Variants in STKLD1 observed in about 807,000 individuals in gnomAD.
The protein encoded by STKLD1 is serine/threonine kinase-like domain-containing protein STKLD1.
In STKLD1, 79 loss-of-function variants were observed where a neutral mutation model predicts 80.4. That is an observed-to-expected ratio of 0.98 (90% confidence interval 0.82 to 1.19). The LOEUF (loss-of-function observed/expected upper bound fraction) is 1.19, where lower values mean the gene tolerates loss of function less well. Among genes scored for constraint, STKLD1 ranks in the 50% most tolerant of loss-of-function variants. STKLD1 has a pLI of 0.00. For missense variants in STKLD1, 841 were observed against 856.0 expected, an observed-to-expected ratio of 0.98 and a Z score of 0.22; for synonymous variants, 393 against 357.6, an observed-to-expected ratio of 1.10 and a Z score of -1.12.
At position 133,405,398 on chromosome 9, in the gene STKLD1, A is replaced by G; in HGVS notation, c.2020A>G (p.Thr674Ala). 1 of 1,610,552 alleles carries G rather than the reference A, an allele frequency of 6.2e-7. No individual in the cohort carries two copies. Among genetic ancestry groups the G allele is most frequent in the Non-Finnish European group, 8.5e-7 (1 of 1,179,756 alleles). Residue 674 changes from threonine to alanine, a missense_variant, in exon 18 of 18, where the codon ACC becomes GCC. Transcript: ENST00000371957. The part of the protein sequence containing the change: ...PPGGSPQLGC[T>A]TSGGLE The stretch of plus-strand genomic sequence containing the variant: ...AGGTGGAAGCCCCCAGCTGGGGTGC[A>G]CCACGTCTGGGGGACTGGAATAGAT...
chr9:133,383,250 T>TGAC (rs1588738096), intron 2 of STKLD1, among the ~76,000 whole-genome samples: 4 of 120,304 alleles, frequency 3.3e-5, no homozygotes, highest in African/African-American at 9.1e-5. Context: ...ATGGTGATGG[T>TGAC]GGTGGTGTTG....
chr9:133,379,152 CG>C (rs2130259873), intron 2 of STKLD1, 30 bp downstream of exon 2: 2 of 1,590,892 alleles, frequency 1.3e-6, no homozygotes, highest in Non-Finnish European at 1.7e-6. Context: ...CATCCCATGC[CG>C]GGTGGTTCTG....
chr9:133,379,603 C>G (rs1013478567), intron 2 of STKLD1, among the ~76,000 whole-genome samples: 2 of 152,198 alleles, frequency 1.3e-5, no homozygotes, highest in African/African-American at 4.8e-5. Flanking sequence ...GGGACTGGCT[C>G]AAGGTCACAC....
intron 17 of STKLD1, 95 bp from the exon 18 acceptor site, chr9:133,405,157 C>A: frequency 6.8e-7 from 1 of 1,464,684 alleles, no homozygotes; most frequent in African/African-American, 1.4e-5. Context: ...ATGCCAAGCC[C>A]AAGGGGGAAT....
chr9:133,401,090 A>T (rs587640250), intron 12 of STKLD1, among the ~76,000 whole-genome samples: 1 of 152,214 alleles, frequency 6.6e-6, no homozygotes, highest in East Asian at 1.9e-4. Context: ...TGGGTTGTTA[A>T]AAGAGTTGAA....
chr9:133,376,754 C>G (rs1837972935), intron 1 of STKLD1, among the ~76,000 whole-genome samples, 194 bp downstream of exon 1: 1 of 152,208 alleles, frequency 6.6e-6, no homozygotes, highest in Admixed American at 6.5e-5. Context: ...TCAGTTTCCC[C>G]CTTTGTGAAT....
At chr9:133,395,830 C>G (rs1838545904) in intron 9 of STKLD1, 67 bp downstream of exon 9, 2 of 1,522,126 alleles carry the variant, frequency 1.3e-6, no homozygotes, top group Middle Eastern at 3.5e-4. Context: ...CACCCTAATA[C>G]AAGCACAGCT....
chr9:133,397,011 G>C (rs1554776806), intron 9 of STKLD1, among the ~76,000 whole-genome samples, 153 bp from the exon 10 acceptor site: 1 of 152,168 alleles, frequency 6.6e-6, no homozygotes, highest in East Asian at 1.9e-4. Flanking sequence ...GGGACACTAT[G>C]AGAGACCCTG....
intron 3 of STKLD1, 35 bp downstream of exon 3, chr9:133,383,935 T>A: frequency 6.3e-7 from 1 of 1,595,686 alleles, no homozygotes; most frequent in Non-Finnish European, 8.6e-7. Context: ...CTGGAAGAGC[T>A]CAATGGAGCA....
chr9:133,390,549 G>A lies in STKLD1; in HGVS notation c.468-132G>A. ...GGAGGAGAGGAGGATGTGGGCTGCT[G>A]CTGCAGAACCAGGTGGGGCAGGGAG... On this transcript the variant is annotated intron_variant, in intron 6 of 17. Transcript: ENST00000371957. This position sits in a 1 kb window ranked among gnomAD's most constrained non-coding sequence, Gnocchi z 5.1. 1.5e-6 allele frequency: 1 copy of A among 676,624 alleles called. No homozygotes were observed. Among genetic ancestry groups the A allele is most frequent in the Non-Finnish European group, 2.7e-6 (1 of 375,526 alleles). The allele number at this position is 676,624 out of a possible 1,614,324, so 41.9% of individuals were successfully genotyped here. A position where few individuals can be genotyped will look rare whatever the true frequency, so the allele number is the denominator to read the frequency against.
Position 133,394,512 on chromosome 9 carries a change from C to T in STKLD1, c.702+103C>T, listed in dbSNP as rs1176368381. On this transcript the variant is annotated intron_variant, in intron 8 of 17. Coordinates refer to ENST00000371957, the MANE Select transcript of STKLD1 (RefSeq NM_153710.5). This position sits in a 1 kb window ranked among gnomAD's most constrained non-coding sequence, Gnocchi z 4.9. ...CCTGCCTCCCCTCTGCATCCCTTCC[C>T]CTGGCTCTCTGCAGGCTGCACAGAG... 4 of 845,968 alleles carry T rather than the reference C, an allele frequency of 4.7e-6. No homozygotes were observed. The Admixed American group carries it at 7.0e-5, about 15-fold the overall frequency. 52.4% of individuals were successfully genotyped at this position (845,968 alleles called of 1,614,324 possible).
intron 11 of STKLD1, 87 bp downstream of exon 11, chr9:133,398,142 C>T: frequency 7.6e-7 from 1 of 1,312,030 alleles, no homozygotes; most frequent in Non-Finnish European, 1.1e-6. Flanking sequence ...GGCTGGCCCT[C>T]ACCCCGGGCT....
At position 133,404,769 on chromosome 9, in the gene STKLD1, C is replaced by T; in HGVS notation, c.1733-20C>T. On this transcript the variant is annotated intron_variant, in intron 16 of 17. Coordinates refer to ENST00000371957, the MANE Select transcript of STKLD1 (RefSeq NM_153710.5). ...TTCAGGGGAAAGCAGGGAATGAACC[C>T]ACTCCCACCCATCCCCCAGAGCTGG... The T allele has an allele frequency of 6.2e-7, 1 of 1,610,180 alleles. No individual in the cohort carries two copies.
At position 133,400,420 on chromosome 9, in the gene STKLD1, G is replaced by A. The variant is rs782011615; in HGVS notation, c.1089G>A (p.Pro363=). The A allele has an allele frequency of 1.9e-6, 3 of 1,612,246 alleles. No individual in the cohort carries two copies. Among genetic ancestry groups the A allele is most frequent in the South Asian group, 1.1e-5 (1 of 91,086 alleles). ...LKMPADQLGL[P]WPPELVEVVV... is the part of the protein sequence containing the mutation. ...TGCCGCCCGCCCTGCCAGGTCTGCC[G>A]TGGCCCCCGGAGCTGGTGGAGGTGG... is the stretch of plus-strand genomic sequence containing the variant. Residue 363 remains proline, a synonymous_variant, in exon 12 of 18, where the codon CCG becomes CCA. Transcript: ENST00000371957.
chr9:133,405,007 A>G, intron 17 of STKLD1, 78 bp downstream of exon 17: 1 of 1,559,798 alleles, frequency 6.4e-7, no homozygotes, highest in South Asian at 1.2e-5. Flanking sequence ...ACTGACAGGG[A>G]AGGAGCACAT....
At chr9:133,377,989 G>C (rs1176819277) in intron 1 of STKLD1, among the ~76,000 whole-genome samples, 2 of 152,142 alleles carry the variant, frequency 1.3e-5, no homozygotes, top group African/African-American at 2.4e-5. Context: ...CACATGCACT[G>C]TTCACAATAG....
In STKLD1 at chr9:133,389,747, TC is replaced by T. The variant is rs143211043; in HGVS notation, c.467+153del. The T allele has an allele frequency of 4.9e-3, 6,507 of 1,336,248 alleles. 139 individuals carry two copies. In the African/African-American group the frequency reaches 0.061, roughly 12 times the overall value. 82.8% of individuals were successfully genotyped at this position (1,336,248 alleles called of 1,614,324 possible). ...AGGATAGGATGGGACCTTACAGAGC[TC>T]CTCCCGGGCTTGAAAGAGGCTCTTC... On this transcript the variant is annotated intron_variant, in intron 6 of 17. Coordinates refer to ENST00000371957, the MANE Select transcript of STKLD1 (RefSeq NM_153710.5). This position sits in a 1 kb window ranked among gnomAD's most constrained non-coding sequence, Gnocchi z 6.4.
Position 133,385,780 on chromosome 9 carries a change from A to G in STKLD1, c.294+89A>G, listed in dbSNP as rs948943648. On this transcript the variant is annotated intron_variant, in intron 4 of 17. Coordinates refer to ENST00000371957, the MANE Select transcript of STKLD1 (RefSeq NM_153710.5). This position sits in a 1 kb window ranked among gnomAD's most constrained non-coding sequence, Gnocchi z 4.9. Reference sequence around the variant, plus strand: ...TGAGCCCAGAGCACGCCCACCCCCCACTGTCAGAATAGCTCGTGTGGCAAT... The same window carrying G: ...TGAGCCCAGAGCACGCCCACCCCCCGCTGTCAGAATAGCTCGTGTGGCAAT... 4 of 1,236,838 alleles carry G rather than the reference A, an allele frequency of 3.2e-6. No individual in the cohort carries two copies. In the African/African-American group the frequency reaches 4.4e-5, roughly 14 times the overall value. 76.6% of individuals were successfully genotyped at this position (1,236,838 alleles called of 1,614,324 possible).
chr9:133,399,011 C>G (rs1412280968), intron 11 of STKLD1, among the ~76,000 whole-genome samples: 1 of 152,064 alleles, frequency 6.6e-6, no homozygotes, highest in East Asian at 1.9e-4. Context: ...TGCCACCACA[C>G]CCAGCTAATT....
Sources: gnomAD v4.1 joint callset for allele counts (sites outside exome capture counted in the v4.1 genomes callset) on GRCh38, gnomAD v4.1.1 for gene constraint, Gnocchi (gnomAD v3.1) non-coding constraint, MANE v1.5 for transcripts, NCBI Gene and HGNC (gene_info 2026-07-23, HGNC 2026-07-21) for gene names.